MFHAS1: variants seen among roughly 807,000 people sequenced by gnomAD.
The protein encoded by MFHAS1 is malignant fibrous histiocytoma-amplified sequence 1.
Under a neutral mutation model 70.4 loss-of-function variants are expected in MFHAS1, and 50 were observed. That is an observed-to-expected ratio of 0.71 (90% CI 0.57 to 0.90). MFHAS1 has a LOEUF of 0.90. Among genes scored for constraint, MFHAS1 ranks in the 40% least tolerant of loss-of-function variants. The pLI is 0.00. For missense variants in MFHAS1, 1,795 were observed against 1,347.6 expected (o/e 1.33, Z -5.20); for synonymous variants, 952 against 620.0 (o/e 1.54, Z -7.96).
intron 1 of MFHAS1, among the ~76,000 whole-genome samples, chr8:8,889,701 G>A (rs1028390161): frequency 1.3e-5 from 2 of 152,272 alleles, no homozygotes; most frequent in Non-Finnish European, 2.9e-5. Context: ...TTTAGCCAAC[G>A]ATCAGTAAGA....
At chr8:8,852,423 G>A (rs761302914) in intron 1 of MFHAS1, among the ~76,000 whole-genome samples, 3 of 151,916 alleles carry the variant, frequency 2.0e-5, no homozygotes, top group Non-Finnish European at 2.9e-5. Flanking sequence ...GCAGTGAACT[G>A]AGATCACGCC....
chr8:8,798,881 T>A (rs1335994161), intron 1 of MFHAS1, among the ~76,000 whole-genome samples: 7 of 151,940 alleles, frequency 4.6e-5, no homozygotes, highest in Non-Finnish European at 1.0e-4. Flanking sequence ...ACTCCACATC[T>A]ACTAAAAATA....
At chr8:8,829,423 G>C (rs1326227893) in intron 1 of MFHAS1, among the ~76,000 whole-genome samples, 1 of 152,220 alleles carries the variant, frequency 6.6e-6, no homozygotes, top group South Asian at 2.1e-4. Flanking sequence ...GCCCATGCCT[G>C]TAATCAGAGC....
intron 1 of MFHAS1, among the ~76,000 whole-genome samples, chr8:8,863,518 G>A (rs751093019): frequency 2.6e-5 from 4 of 152,080 alleles, no homozygotes; most frequent in South Asian, 2.1e-4. Context: ...TTATTACCAC[G>A]TATGATCTTT....
intron 1 of MFHAS1, among the ~76,000 whole-genome samples, chr8:8,851,827 G>GC (rs1338184573): frequency 3.9e-5 from 6 of 152,272 alleles, no homozygotes; most frequent in South Asian, 4.1e-4. Flanking sequence ...AAGTTGTGAT[G>GC]CCCCCCGCAA....
intron 1 of MFHAS1, among the ~76,000 whole-genome samples, chr8:8,843,992 C>G (rs1200613098): frequency 6.6e-6 from 1 of 152,206 alleles, no homozygotes; most frequent in Non-Finnish European, 1.5e-5. Flanking sequence ...TAACAATCCA[C>G]TGTTCTCTGG....
chr8:8,864,542 T>C (rs1200356306), intron 1 of MFHAS1, among the ~76,000 whole-genome samples: 3 of 152,248 alleles, frequency 2.0e-5, no homozygotes, highest in African/African-American at 7.2e-5. Flanking sequence ...AATCTACAAA[T>C]AACTGTTTCA....
chr8:8,851,099 A>G (rs1211164322), intron 1 of MFHAS1, among the ~76,000 whole-genome samples: 7 of 152,194 alleles, frequency 4.6e-5, no homozygotes, highest in Non-Finnish European at 7.3e-5. Context: ...TTAGGAGAAA[A>G]TCCCAAGGCT....
At chr8:8,825,468 C>A (rs1456317488) in intron 1 of MFHAS1, among the ~76,000 whole-genome samples, 1 of 152,110 alleles carries the variant, frequency 6.6e-6, no homozygotes, top group African/African-American at 2.4e-5. Context: ...CCACCATGCC[C>A]AGCCTAAGAA....
intron 1 of MFHAS1, among the ~76,000 whole-genome samples, chr8:8,819,601 C>T (rs1417912360): frequency 2.1e-5 from 2 of 97,230 alleles, no homozygotes; most frequent in Non-Finnish European, 4.9e-5. Flanking sequence ...AAGACTCCAA[C>T]TCAAAACAAA....
intron 1 of MFHAS1, among the ~76,000 whole-genome samples, chr8:8,817,236 G>A (rs550136819): frequency 1.4e-4 from 21 of 151,824 alleles, no homozygotes; most frequent in Middle Eastern, 3.4e-3. Flanking sequence ...TGTCAGCTAT[G>A]AGAAAATTTA....
chr8:8,788,876 T>A (rs1442082327), intron 2 of MFHAS1, among the ~76,000 whole-genome samples: 1 of 152,048 alleles, frequency 6.6e-6, no homozygotes, highest in Non-Finnish European at 1.5e-5. Context: ...ACGGCTGACC[T>A]CCCATGGTAA....
chr8:8,871,444 T>C (rs1809071929), intron 1 of MFHAS1, among the ~76,000 whole-genome samples: 1 of 152,032 alleles, frequency 6.6e-6, no homozygotes, highest in Admixed American at 6.5e-5. Flanking sequence ...CTGCTACTCA[T>C]GACAATGAGG....
At chr8:8,848,752 A>C (rs1279470612) in intron 1 of MFHAS1, among the ~76,000 whole-genome samples, 1 of 152,220 alleles carries the variant, frequency 6.6e-6, no homozygotes, top group African/African-American at 2.4e-5. Context: ...AATGAAAAAC[A>C]CAGACTGCTA....
At chr8:8,874,558 G>C (rs1809218717) in intron 1 of MFHAS1, among the ~76,000 whole-genome samples, 3 of 152,256 alleles carry the variant, frequency 2.0e-5, no homozygotes, top group South Asian at 4.2e-4. Context: ...TTACAGAGGA[G>C]ACAGTTTGGG....
chr8:8,824,899 G>C (rs996214358), intron 1 of MFHAS1, among the ~76,000 whole-genome samples: 1 of 152,206 alleles, frequency 6.6e-6, no homozygotes, highest in African/African-American at 2.4e-5. Flanking sequence ...CTGGCCTCAC[G>C]GGAACAGATT....
At position 8,891,464 on chromosome 8, in the gene MFHAS1, A is replaced by G. The variant is rs1396486080; in HGVS notation, c.1595T>C (p.Val532Ala). The change falls in exon 1 of 3, where the codon GTG (valine) becomes GCG (alanine). Residue 532 changes from valine to alanine, a missense_variant. By Grantham distance (64) the Val-to-Ala change is moderately conservative. Transcript: ENST00000276282. The surrounding 1 kb of genome is among the most constrained non-coding windows in gnomAD (Gnocchi z 5.4). ...RVGARVPHAV[V>A]CIVGTHADLC... ...GTCTGCGTGGGTGCCCACGATGCAC[A>G]CCACCGCGTGGGGCACTCTCGCCCC... The G allele has an allele frequency of 3.7e-6, 6 of 1,612,840 alleles. No individual in the cohort carries two copies. Among genetic ancestry groups the G allele is most frequent in the Non-Finnish European group, 5.1e-6 (6 of 1,180,018 alleles).
chr8:8,860,935 A>G (rs901863956), intron 1 of MFHAS1, among the ~76,000 whole-genome samples: 4 of 152,250 alleles, frequency 2.6e-5, no homozygotes, highest in Non-Finnish European at 5.9e-5. Context: ...CATCACTATG[A>G]AAGCCCAAAT....
chr8:8,831,123 C>A (rs1807370547), intron 1 of MFHAS1, among the ~76,000 whole-genome samples: 1 of 151,746 alleles, frequency 6.6e-6, no homozygotes, highest in Non-Finnish European at 1.5e-5. Flanking sequence ...TATGTCCTCA[C>A]ATGGCAGAGA....
Sources: gnomAD v4.1 joint callset for allele counts (sites outside exome capture counted in the v4.1 genomes callset) on GRCh38, gnomAD v4.1.1 for gene constraint, Gnocchi (gnomAD v3.1) non-coding constraint, MANE v1.5 for transcripts, NCBI Gene and HGNC (gene_info 2026-07-23, HGNC 2026-07-21) for gene names.